CDH13: variants seen among roughly 807,000 people sequenced by gnomAD.
CDH13 encodes the protein cadherin-13.
Under a neutral mutation model 63.8 loss-of-function variants are expected in CDH13, and 24 were observed. The ratio of observed to expected loss-of-function variants is 0.38; its 90% CI spans 0.27 to 0.53. The LOEUF is 0.53. Ranked by LOEUF, CDH13 falls within the 20% of genes least tolerant of loss-of-function variation. The probability of loss-of-function intolerance (pLI) is 0.85; values close to 1 mark genes in which losing one functional copy is unlikely to be tolerated. For missense variants in CDH13, 1,049 were observed against 903.1 expected, an observed-to-expected ratio of 1.16 and a Z score of -2.07; for synonymous variants, 503 against 355.3, an observed-to-expected ratio of 1.42 and a Z score of -4.67.
chr16:83,411,288 C>G (rs888694016), intron 6 of CDH13, among the ~76,000 whole-genome samples: 1 of 152,232 alleles, frequency 6.6e-6, no homozygotes. Flanking sequence ...GGTTACCCCA[C>G]TGAAATTAGC....
chr16:82,977,930 C>A (rs1182280452), intron 2 of CDH13, among the ~76,000 whole-genome samples: 1 of 152,052 alleles, frequency 6.6e-6, no homozygotes, highest in Admixed American at 6.6e-5. Flanking sequence ...TGTCTTTGAC[C>A]AAAATGCTGA....
chr16:82,673,019 T>TG (rs1913475161), intron 1 of CDH13, among the ~76,000 whole-genome samples: 2 of 145,372 alleles, frequency 1.4e-5, no homozygotes, highest in African/African-American at 2.6e-5. Flanking sequence ...TTTTTTTTTT[T>TG]GTAGAGATGA....
intron 5 of CDH13, among the ~76,000 whole-genome samples, chr16:83,245,634 T>A (rs1408948802): frequency 1.3e-5 from 2 of 152,252 alleles, no homozygotes; most frequent in Non-Finnish European, 2.9e-5. Context: ...TGTTTCTCAA[T>A]GCAGTAGACT....
intron 8 of CDH13, among the ~76,000 whole-genome samples, chr16:83,669,546 C>G (rs1914316594): frequency 6.6e-6 from 1 of 152,114 alleles, no homozygotes; most frequent in Non-Finnish European, 1.5e-5. Context: ...TATTTTCTAG[C>G]CTCCATGCAT....
chr16:82,999,364 A>G (rs893298729), intron 2 of CDH13, among the ~76,000 whole-genome samples: 1 of 152,196 alleles, frequency 6.6e-6, no homozygotes, highest in Non-Finnish European at 1.5e-5. Flanking sequence ...CAAACTCCCA[A>G]TAACAGGATT....
At chr16:82,775,512 G>A (rs2035453246) in intron 1 of CDH13, among the ~76,000 whole-genome samples, 1 of 152,192 alleles carries the variant, frequency 6.6e-6, no homozygotes, top group African/African-American at 2.4e-5. Context: ...GGAAAGATGA[G>A]CTAAGCGTTT....
intron 1 of CDH13, among the ~76,000 whole-genome samples, chr16:82,820,523 C>A (rs1024450683): frequency 6.6e-6 from 1 of 152,198 alleles, no homozygotes; most frequent in East Asian, 1.9e-4. Flanking sequence ...TGAACACAGG[C>A]ATCCTGCTTC....
intron 1 of CDH13, among the ~76,000 whole-genome samples, chr16:82,685,917 C>T (rs374027201): frequency 5.5e-4 from 83 of 152,194 alleles, no homozygotes; most frequent in African/African-American, 1.9e-3. Flanking sequence ...TAGGAATGGC[C>T]GCCACCCACA....
intron 2 of CDH13, among the ~76,000 whole-genome samples, chr16:82,990,699 A>G (rs7200520): frequency 0.15 from 23,346 of 151,920 alleles, 2,187 homozygotes; most frequent in Non-Finnish European, 0.21. Flanking sequence ...GGTGCATGCC[A>G]CCAGGACCAG....
intron 6 of CDH13, among the ~76,000 whole-genome samples, chr16:83,355,095 A>C (rs1397835139): frequency 6.6e-6 from 1 of 152,200 alleles, no homozygotes; most frequent in African/African-American, 2.4e-5. Context: ...GCGAGGAAAT[A>C]GATATGATTT....
intron 2 of CDH13, among the ~76,000 whole-genome samples, chr16:82,964,884 T>C (rs1907582288): frequency 6.6e-6 from 1 of 152,208 alleles, no homozygotes; most frequent in South Asian, 2.1e-4. Flanking sequence ...GCACTAACTT[T>C]TAGTGAATTA....
At chr16:83,144,192 A>G (rs1406759487) in intron 4 of CDH13, among the ~76,000 whole-genome samples, 3 of 152,098 alleles carry the variant, frequency 2.0e-5, no homozygotes, top group African/African-American at 7.2e-5. Context: ...AGATGTGGTA[A>G]GTGATTCTGA....
intron 10 of CDH13, among the ~76,000 whole-genome samples, chr16:83,742,715 C>G (rs964616217): frequency 1.3e-5 from 2 of 152,140 alleles, no homozygotes; most frequent in African/African-American, 4.8e-5. Context: ...CCCTCCACAT[C>G]GGGAACGATG....
At chr16:83,531,826 C>A (rs1321022511) in intron 7 of CDH13, among the ~76,000 whole-genome samples, 1 of 152,150 alleles carries the variant, frequency 6.6e-6, no homozygotes, top group Non-Finnish European at 1.5e-5. Flanking sequence ...CTCCTGGCCT[C>A]CAAAACTGTA....
chr16:83,473,420 A>G (rs943325838), intron 6 of CDH13, among the ~76,000 whole-genome samples: 16 of 152,200 alleles, frequency 1.1e-4, no homozygotes, highest in African/African-American at 3.1e-4. Context: ...GTATTTCACT[A>G]TCCTGGCTCA....
At chr16:83,749,739 T>C (rs1214531837) in intron 11 of CDH13, among the ~76,000 whole-genome samples, 1 of 152,068 alleles carries the variant, frequency 6.6e-6, no homozygotes, top group Non-Finnish European at 1.5e-5. Context: ...AGAGGGCTCA[T>C]GAATTATTTG....
chr16:82,800,095 T>C (rs566139000), intron 1 of CDH13, among the ~76,000 whole-genome samples: 1 of 152,338 alleles, frequency 6.6e-6, no homozygotes, highest in East Asian at 1.9e-4. Flanking sequence ...GACCCTTTGG[T>C]TGGCTGTTAA....
At chr16:83,392,287 A>G (rs1285324668) in intron 6 of CDH13, among the ~76,000 whole-genome samples, 2 of 152,210 alleles carry the variant, frequency 1.3e-5, no homozygotes, top group East Asian at 1.9e-4. Flanking sequence ...AACAGCTCCA[A>G]TCTTAAAGCC....
chr16:82,916,690 A>G lies in CDH13; in HGVS notation c.157+58217A>G, dbSNP rs148500912. Among the ~76,000 whole-genome samples the G allele has an allele frequency of 2.3e-3, 343 of 152,358 alleles. 1 individual carries two copies. Among genetic ancestry groups the G allele is most frequent in the African/African-American group, 7.8e-3 (325 of 41,580 alleles). ...TCGGGAGGTTTATGAGAACATATCA[A>G]TAATTTTTATGTTTGTTAAAATATT... On this transcript the variant is annotated intron_variant, in intron 2 of 13. Coordinates refer to ENST00000567109, the MANE Select transcript of CDH13 (RefSeq NM_001257.5).
Sources: allele counts gnomAD v4.1 joint callset (sites outside exome capture counted in the v4.1 genomes callset), GRCh38; gene constraint gnomAD v4.1.1; transcripts MANE v1.5; gene names NCBI Gene and HGNC (gene_info 2026-07-23, HGNC 2026-07-21).